TBCK: variants seen among roughly 807,000 people sequenced by gnomAD.
TBCK encodes the protein TBC domain-containing protein kinase-like protein.
Under a neutral mutation model 113.4 loss-of-function variants are expected in TBCK, and 99 were observed. That is an observed-to-expected ratio of 0.87 (90% CI 0.74 to 1.03). The LOEUF is 1.03. Among genes scored for constraint, TBCK ranks in the 50% least tolerant of loss-of-function variants. TBCK has a pLI of 0.00. For synonymous variants in TBCK, 369 were observed against 370.8 expected (o/e 1.00, Z 0.05); for missense variants, 1,045 against 1,061.3 (o/e 0.98, Z 0.21).
Position 106,171,013 on chromosome 4 carries a change from A to G in TBCK, c.2235+82T>C, listed in dbSNP as rs1010390947. The G allele has an allele frequency of 5.5e-6, 6 of 1,081,780 alleles. No homozygotes were observed. In the African/African-American group the frequency reaches 9.7e-5, roughly 18 times the overall value. 67.0% of individuals were successfully genotyped at this position (1,081,780 alleles called of 1,614,324 possible). A position where few individuals can be genotyped will look rare whatever the true frequency, so the allele number is the denominator to read the frequency against. On this transcript the variant is annotated intron_variant, in intron 23 of 25. Transcript: ENST00000394708. Reference sequence around the variant, plus strand: ...TAAAAGGACATAAATGACACCATTAAGAACAATAAAGATACTAGGGTATAT... The same window carrying G: ...TAAAAGGACATAAATGACACCATTAGGAACAATAAAGATACTAGGGTATAT...
chr4:106,186,204 G>C (rs1466205559), intron 22 of TBCK, among the ~76,000 whole-genome samples: 2 of 152,140 alleles, frequency 1.3e-5, no homozygotes, highest in African/African-American at 2.4e-5. Context: ...ACACATGCAT[G>C]TGTCTTTATG....
chr4:106,052,595 C>T (rs924979261), intron 25 of TBCK, among the ~76,000 whole-genome samples: 2 of 151,558 alleles, frequency 1.3e-5, no homozygotes, highest in African/African-American at 4.8e-5. Flanking sequence ...GGATTTTTAT[C>T]TTAAAAAATA....
chr4:106,056,145 A>G (rs187000301), intron 25 of TBCK, among the ~76,000 whole-genome samples: 114 of 151,482 alleles, frequency 7.5e-4, no homozygotes, highest in Admixed American at 1.7e-3. Context: ...CAAATTCAAT[A>G]TGTCCAAAAT....
At chr4:106,298,695 A>G (rs548093935) in intron 2 of TBCK, among the ~76,000 whole-genome samples, 1 of 152,336 alleles carries the variant, frequency 6.6e-6, no homozygotes, top group South Asian at 2.1e-4. Flanking sequence ...AAGAAAAAAA[A>G]CCAGTTGTTA....
intron 23 of TBCK, among the ~76,000 whole-genome samples, chr4:106,140,131 G>A (rs1217673940): frequency 7.2e-6 from 1 of 139,752 alleles, no homozygotes; most frequent in South Asian, 2.4e-4. Flanking sequence ...TCTTCCTGTT[G>A]GTTTACTTTA....
rs1766750830 is a variant in TBCK at position 106,299,968 on chromosome 4, C to T, written c.194-4802G>A. Among the ~76,000 whole-genome samples, 6 of 152,148 alleles carry T rather than the reference C, an allele frequency of 3.9e-5. 1 individual carries two copies. The South Asian group carries it at 1.2e-3, about 32-fold the overall frequency. On this transcript the variant is annotated intron_variant, in intron 2 of 25. Transcript: ENST00000394708. ...TTGACAGGGCTTGGCTGTGTTCCCACCCAAATCTCATCTTGAATTCTCACG... is the reference window on the plus strand; with the variant it reads ...TTGACAGGGCTTGGCTGTGTTCCCATCCAAATCTCATCTTGAATTCTCACG...
chr4:106,314,537 C>T (rs137918192), intron 1 of TBCK, among the ~76,000 whole-genome samples: 1 of 150,128 alleles, frequency 6.7e-6, no homozygotes, highest in African/African-American at 2.4e-5. Flanking sequence ...AAGTGGTTAT[C>T]TTTGAAGAAC....
In TBCK at chr4:106,044,983, A is replaced by G. The variant is rs950290633; in HGVS notation, c.*1587T>C. On this transcript the variant is annotated 3_prime_UTR_variant, in exon 26 of 26. Coordinates refer to ENST00000394708, the MANE Select transcript of TBCK (RefSeq NM_001163435.3). ...TTTAGTTAAAACAAAATTGAAGATAATTAAAGGATATGCTATATTTCATAT... is the reference window on the plus strand; with the variant it reads ...TTTAGTTAAAACAAAATTGAAGATAGTTAAAGGATATGCTATATTTCATAT... 2 of 152,088 alleles carry G rather than the reference A, an allele frequency of 1.3e-5. No homozygotes were observed. Among genetic ancestry groups the G allele is most frequent in the African/African-American group, 4.8e-5 (2 of 41,396 alleles). The allele number at this position is 152,088 out of a possible 1,614,324, so 9.4% of individuals were successfully genotyped here. A position where few individuals can be genotyped will look rare whatever the true frequency, so the allele number is the denominator to read the frequency against.
At chr4:106,102,940 A>G (rs551488700) in intron 24 of TBCK, among the ~76,000 whole-genome samples, 46 of 152,332 alleles carry the variant, frequency 3.0e-4, no homozygotes, top group African/African-American at 1.1e-3. Flanking sequence ...ACAGATTGTT[A>G]AAGTCACATA....
chr4:106,075,480 T>C (rs1400913000), intron 25 of TBCK, among the ~76,000 whole-genome samples: 1 of 152,228 alleles, frequency 6.6e-6, no homozygotes, highest in Admixed American at 6.5e-5. Context: ...TAAAAATATA[T>C]GATACTAGTA....
In TBCK at chr4:106,295,142, T is replaced by C. The variant is rs756603134; in HGVS notation, c.218A>G (p.His73Arg). The change falls in exon 3 of 26, where the codon CAT becomes CGT. Residue 73 changes from histidine (H) to arginine (R), a missense_variant. Coordinates refer to ENST00000394708, the MANE Select transcript of TBCK (RefSeq NM_001163435.3). ...KHERLVVVAE[H>R]CERSLEDLLR... ...CAAGTCTTCCAGACTACGTTCACAATGTTCAGCCACGACCACTAGTCGTTC... is the reference window on the plus strand; with the variant it reads ...CAAGTCTTCCAGACTACGTTCACAACGTTCAGCCACGACCACTAGTCGTTC... 9.3e-6 allele frequency: 15 copies of C among 1,613,470 alleles called. No homozygotes were observed. Among genetic ancestry groups the C allele is most frequent in the Non-Finnish European group, 1.3e-5 (15 of 1,179,694 alleles).
At chr4:106,211,726 C>T (rs2149886365) in intron 20 of TBCK, among the ~76,000 whole-genome samples, 1 of 152,082 alleles carries the variant, frequency 6.6e-6, no homozygotes, top group East Asian at 1.9e-4. Context: ...TTAAAAATTG[C>T]ACTTAAGCCC....
At chr4:106,172,000 T>A (rs1246717296) in intron 22 of TBCK, among the ~76,000 whole-genome samples, 3 of 152,026 alleles carry the variant, frequency 2.0e-5, no homozygotes, top group Non-Finnish European at 4.4e-5. Context: ...CCGGCTAATT[T>A]TTTGTATTTT....
chr4:106,202,945 C>T (rs1028499824), intron 20 of TBCK, among the ~76,000 whole-genome samples: 3 of 151,832 alleles, frequency 2.0e-5, no homozygotes, highest in East Asian at 3.8e-4. Context: ...CAAATAAATG[C>T]TATAAGTGTA....
chr4:106,250,918 T>C (rs1761357991), intron 6 of TBCK, among the ~76,000 whole-genome samples: 1 of 152,014 alleles, frequency 6.6e-6, no homozygotes, highest in South Asian at 2.1e-4. Context: ...AAAAACTTCA[T>C]AACACTCCTT....
At chr4:106,261,709 T>G (rs1366820287) in intron 4 of TBCK, among the ~76,000 whole-genome samples, 2 of 151,222 alleles carry the variant, frequency 1.3e-5, no homozygotes, top group Non-Finnish European at 3.0e-5. Context: ...AGAAGAAAAA[T>G]AGAGAAAACA....
intron 23 of TBCK, among the ~76,000 whole-genome samples, chr4:106,156,339 T>A (rs1749119038): frequency 6.6e-6 from 1 of 152,196 alleles, no homozygotes; most frequent in Admixed American, 6.5e-5. Context: ...AGCATAGCAC[T>A]GGGTCTCGCC....
At chr4:106,091,685 G>C (rs1740263494) in intron 25 of TBCK, among the ~76,000 whole-genome samples, 1 of 152,116 alleles carries the variant, frequency 6.6e-6, no homozygotes, top group South Asian at 2.1e-4. Flanking sequence ...AGACCTTCGT[G>C]GTGAGTGTTA....
chr4:106,309,623 TAA>T (rs1767968734), intron 1 of TBCK, among the ~76,000 whole-genome samples: 1 of 151,918 alleles, frequency 6.6e-6, no homozygotes, highest in East Asian at 1.9e-4. Context: ...TCTCTTTACC[TAA>T]AGATTGAATA....
Sources: gnomAD v4.1 joint callset for allele counts (sites outside exome capture counted in the v4.1 genomes callset) on GRCh38, gnomAD v4.1.1 for gene constraint, MANE v1.5 for transcripts, NCBI Gene and HGNC (gene_info 2026-07-23, HGNC 2026-07-21) for gene names.